The following ALKBH8 variants were observed in gnomAD, a reference collection of about 807,000 sequenced individuals.
ALKBH8 encodes alkB homolog 8, tRNA methyltransferase, also known as tRNA (carboxymethyluridine(34)-5-O)-methyltransferase ALKBH8.
In ALKBH8, 36 loss-of-function variants were observed where a neutral mutation model predicts 59.8. That is an observed-to-expected ratio of 0.60 (90% confidence interval 0.46 to 0.79). The LOEUF is 0.79. Among genes scored for constraint, ALKBH8 ranks in the 30% least tolerant of loss-of-function variants. The pLI is 0.00. For missense variants in ALKBH8, 768 were observed against 801.0 expected (o/e 0.96, Z 0.50); for synonymous variants, 276 against 273.6 (o/e 1.01, Z -0.09).
At chr11:107,527,572 A>G (rs1186505386) in intron 8 of ALKBH8, among the ~76,000 whole-genome samples, 1 of 151,978 alleles carries the variant, frequency 6.6e-6, no homozygotes. Flanking sequence ...ATCTCAATAA[A>G]TTAATTCTGA....
intron 1 of ALKBH8, 57 bp downstream of exon 1, chr11:107,565,544 A>T (rs1208427383): frequency 2.6e-6 from 4 of 1,535,122 alleles, no homozygotes; most frequent in Non-Finnish European, 3.5e-6. Flanking sequence ...GAAGAGGCTG[A>T]AAAGAGGAAG....
At chr11:107,511,274 G>A (rs565656135) in intron 10 of ALKBH8, among the ~76,000 whole-genome samples, 120 of 152,176 alleles carry the variant, frequency 7.9e-4, no homozygotes, top group African/African-American at 2.8e-3. Flanking sequence ...GAAACAAAAA[G>A]ACTGGAATAA....
At position 107,551,870 on chromosome 11, in the gene ALKBH8, C is replaced by T. The variant is rs1339093525; in HGVS notation, c.638G>A (p.Arg213Lys). 1 of 1,553,500 alleles carries T rather than the reference C, an allele frequency of 6.4e-7. No homozygotes were observed. Among genetic ancestry groups the T allele is most frequent in the Non-Finnish European group, 8.7e-7 (1 of 1,155,182 alleles). ...ICESFLEKWL[R>K]KGYIKHKPDQ... is the part of the protein sequence containing the mutation. ...AGGTTTATGTTTAATGTAACCTTTC[C>T]TCAACCATTTCTCCAAAAAGCTTTC... The change falls in exon 6 of 12, where the codon AGG (arginine) becomes AAG (lysine). Residue 213 changes from arginine (R) to lysine (K), a missense_variant. Physicochemically the swap from Arg to Lys is conservative, Grantham distance 26. Transcript: ENST00000428149.
chr11:107,548,540 T>C (rs1413704277), intron 7 of ALKBH8, among the ~76,000 whole-genome samples: 1 of 152,078 alleles, frequency 6.6e-6, no homozygotes, highest in African/African-American at 2.4e-5. Flanking sequence ...GAGAAGAGTG[T>C]TTTTTCCTCC....
intron 1 of ALKBH8, chr11:107,562,743 G>C (rs1767373653): frequency 6.6e-6 from 1 of 152,084 alleles, no homozygotes; most frequent in African/African-American, 2.4e-5. Flanking sequence ...TGGCAGCATA[G>C]CAGAGAGATG....
chr11:107,545,118 G>A (rs1864197096), intron 7 of ALKBH8, among the ~76,000 whole-genome samples: 2 of 152,122 alleles, frequency 1.3e-5, no homozygotes, highest in African/African-American at 4.8e-5. Flanking sequence ...GGCTTCTGAG[G>A]CTGTAAACAT....
intron 7 of ALKBH8, among the ~76,000 whole-genome samples, chr11:107,534,625 A>G (rs1863733319): frequency 6.6e-6 from 1 of 152,258 alleles, no homozygotes; most frequent in African/African-American, 2.4e-5. Context: ...CACAAGAGAT[A>G]TATGAACATG....
chr11:107,558,146 A>C (rs1026476104), intron 2 of ALKBH8, among the ~76,000 whole-genome samples: 7 of 152,206 alleles, frequency 4.6e-5, no homozygotes, highest in Non-Finnish European at 1.0e-4. Context: ...CCAACCCTTA[A>C]TTTATACTAA....
chr11:107,511,058 A>G (rs761085468), intron 10 of ALKBH8, 22 bp from the exon 11 acceptor site: 2 of 1,550,586 alleles, frequency 1.3e-6, no homozygotes, highest in Non-Finnish European at 1.7e-6. Context: ...AAGGAATTCC[A>G]TAACATTTTG....
At chr11:107,529,763 A>G (rs560168446) in intron 8 of ALKBH8, among the ~76,000 whole-genome samples, 4 of 152,098 alleles carry the variant, frequency 2.6e-5, no homozygotes, top group East Asian at 1.9e-4. Flanking sequence ...TGGCCTCCCA[A>G]AGTGCTAGGA....
chr11:107,556,231 T>C (rs759029348), intron 3 of ALKBH8, among the ~76,000 whole-genome samples: 12 of 152,134 alleles, frequency 7.9e-5, no homozygotes, highest in South Asian at 2.1e-4. Flanking sequence ...TGAGCCGAGA[T>C]TGTGCCATTG....
chr11:107,558,176 T>C (rs1293304559), intron 2 of ALKBH8, among the ~76,000 whole-genome samples: 1 of 152,238 alleles, frequency 6.6e-6, no homozygotes, highest in Non-Finnish European at 1.5e-5. Context: ...TAGTACATTG[T>C]GTATTGGTTT....
chr11:107,549,815 C>A lies in ALKBH8; in HGVS notation c.709G>T (p.Ala237Ser). 6.5e-7 allele frequency: 1 copy of A among 1,547,506 alleles called. No homozygotes were observed. Among genetic ancestry groups the A allele is most frequent in the Non-Finnish European group, 8.7e-7 (1 of 1,143,870 alleles). The change falls in exon 7 of 12, where the codon GCT (alanine) becomes TCT (serine). Residue 237 changes from alanine (A) to serine (S), a missense_variant. Ala to Ser is a moderately conservative substitution (Grantham distance 99). Transcript: ENST00000428149. ...AAAGCGGAATGTGTATCAATATGAG[C>A]GGGAATTCCTGAGATGGAAAACAGG... ...NQYEPGQGIP[A>S]HIDTHSAFED...
At chr11:107,563,531 ATTAT>A (rs1365789974) in intron 1 of ALKBH8, 1 of 58,678 alleles carries the variant, frequency 1.7e-5, no homozygotes, top group East Asian at 3.0e-4. Flanking sequence ...TTTATTTATT[ATTAT>A]TTATTTATTA....
At chr11:107,538,813 G>T (rs1254981891) in intron 7 of ALKBH8, among the ~76,000 whole-genome samples, 1 of 152,176 alleles carries the variant, frequency 6.6e-6, no homozygotes, top group Non-Finnish European at 1.5e-5. Context: ...ATTTAATCCT[G>T]ATCCTTAATG....
chr11:107,504,699 A>G lies in ALKBH8; in HGVS notation c.1954T>C (p.Tyr652His). 1 of 1,550,944 alleles carries G rather than the reference A, an allele frequency of 6.4e-7. No individual in the cohort carries two copies. The highest frequency in any genetic ancestry group is 8.7e-7 in the Non-Finnish European group (1 of 1,146,570). Residue 652 changes from tyrosine to histidine, a missense_variant, in exon 12 of 12, where the codon TAC becomes CAC. Physicochemically the swap from Tyr to His is moderately conservative, Grantham distance 83. Transcript: ENST00000428149. ...ATCACACACCAGTTTCCTTGATCGTAGTAGCTTTGCAGAATTCTGACATCA... is the reference window on the plus strand; with the variant it reads ...ATCACACACCAGTTTCCTTGATCGTGGTAGCTTTGCAGAATTCTGACATCA... Reference protein sequence around the residue: ...VSDVRILQSYYDQGNWCVILQ... With the variant: ...VSDVRILQSYHDQGNWCVILQ...
At chr11:107,554,021 G>T in intron 3 of ALKBH8, 43 bp from the exon 4 acceptor site, 2 of 1,606,878 alleles carry the variant, frequency 1.2e-6, no homozygotes, top group Non-Finnish European at 1.7e-6. Context: ...AAAACTTAAA[G>T]TTCCTATATA....
chr11:107,511,889 T>G (rs1048290824), intron 10 of ALKBH8, among the ~76,000 whole-genome samples: 1 of 151,638 alleles, frequency 6.6e-6, no homozygotes, highest in African/African-American at 2.4e-5. Context: ...TTTTTTTTTA[T>G]TTTTTAAAGC....
intron 10 of ALKBH8, among the ~76,000 whole-genome samples, chr11:107,521,137 C>T (rs997484916): frequency 6.6e-6 from 1 of 152,082 alleles, no homozygotes; most frequent in Non-Finnish European, 1.5e-5. Context: ...GAACTAACTC[C>T]CCACAGATAC....
Sources: allele counts gnomAD v4.1 joint callset (sites outside exome capture counted in the v4.1 genomes callset), GRCh38; gene constraint gnomAD v4.1.1; transcripts MANE v1.5; gene names NCBI Gene and HGNC (gene_info 2026-07-23, HGNC 2026-07-21).